TRIM48: variants seen among roughly 807,000 people sequenced by gnomAD.
TRIM48 encodes the protein E3 ubiquitin-protein ligase TRIM48.
In TRIM48, 31 loss-of-function variants were observed where a neutral mutation model predicts 29.5. That is an observed-to-expected ratio of 1.05 (90% CI 0.79 to 1.42). TRIM48 has a LOEUF of 1.42. TRIM48 is among the 40% of genes most tolerant of loss of function. The pLI is 0.00. For missense variants in TRIM48, 344 were observed against 265.0 expected, an observed-to-expected ratio of 1.30 and a Z score of -2.07; for synonymous variants, 128 against 90.6, an observed-to-expected ratio of 1.41 and a Z score of -2.34.
intron 1 of TRIM48, 53 bp downstream of exon 1, chr11:55,262,364 T>G: frequency 7.9e-7 from 1 of 1,263,136 alleles, no homozygotes; most frequent in South Asian, 1.3e-5. Context: ...TACAAAATAA[T>G]AAATTAGAGT....
chr11:55,266,508 C>T (rs1473849479), intron 3 of TRIM48, among the ~76,000 whole-genome samples: 7 of 146,846 alleles, frequency 4.8e-5, no homozygotes, highest in Non-Finnish European at 7.5e-5. Context: ...ATGAGAGAGG[C>T]AAAAATGGTC....
chr11:55,267,394 A>G, intron 3 of TRIM48: 1 of 1,573,204 alleles, frequency 6.4e-7, no homozygotes, highest in Non-Finnish European at 8.6e-7. Context: ...TGACTAACCC[A>G]TTATTACTGC....
In TRIM48 at chr11:55,270,458, A is replaced by G. The variant is rs921076410; in HGVS notation, c.*23A>G. On this transcript the variant is annotated 3_prime_UTR_variant, in exon 6 of 6. Coordinates refer to ENST00000417545, the MANE Select transcript of TRIM48 (RefSeq NM_024114.5). ...GCAGTGGATATTACTCTGCATCACA[A>G]TGAAGCCAACAGTCATATCTTCCGA... 33 of 1,532,986 alleles carry G rather than the reference A, an allele frequency of 2.2e-5. 4 individuals are homozygous for G. The highest frequency in any genetic ancestry group is 2.8e-5 in the African/African-American group (2 of 72,306). 95.0% of individuals were successfully genotyped at this position (1,532,986 alleles called of 1,614,324 possible). A position where few individuals can be genotyped will look rare whatever the true frequency, so the allele number is the denominator to read the frequency against.
intron 3 of TRIM48, 22 bp from the exon 4 acceptor site, chr11:55,268,328 T>C: frequency 1.3e-6 from 2 of 1,519,130 alleles, no homozygotes; most frequent in Non-Finnish European, 1.8e-6. Flanking sequence ...GCACTAAATC[T>C]TTCTATTTTT....
chr11:55,265,706 T>A lies in TRIM48; in HGVS notation c.555+11T>A, dbSNP rs147397565. On this transcript the variant is annotated intron_variant, in intron 3 of 5. Transcript: ENST00000417545. ...ATCAGCCACTGGAAGGTTAGTCCTG[T>A]AATACCCTACCTTCTCCAGGAACTT... The A allele has an allele frequency of 1.1e-3, 1,795 of 1,574,836 alleles. 157 individuals carry two copies. In the African/African-American group the frequency reaches 0.023, roughly 20 times the overall value.
chr11:55,268,453 A>G lies in TRIM48; in HGVS notation c.578+81A>G, dbSNP rs989045321. The G allele has an allele frequency of 2.3e-5, 31 of 1,358,178 alleles. 2 individuals are homozygous for G. Among genetic ancestry groups the G allele is most frequent in the Middle Eastern group, 1.9e-4 (1 of 5,348 alleles). The allele number at this position is 1,358,178 out of a possible 1,614,324, so 84.1% of individuals were successfully genotyped here. A position where few individuals can be genotyped will look rare whatever the true frequency, so the allele number is the denominator to read the frequency against. On this transcript the variant is annotated intron_variant, in intron 4 of 5. Coordinates refer to ENST00000417545, the MANE Select transcript of TRIM48 (RefSeq NM_024114.5). ...GCAGGCTCTACCAAAGTCATGGCATAAACGATTAAGATATTGATACTATTT... is the reference window on the plus strand; with the variant it reads ...GCAGGCTCTACCAAAGTCATGGCATGAACGATTAAGATATTGATACTATTT...
rs138999549 is a variant in TRIM48, at chr11:55,265,040, T to C, written c.185T>C (p.Ile62Thr). The change falls in exon 2 of 6, where the codon ATC becomes ACC. Residue 62 changes from isoleucine to threonine, a missense_variant. Physicochemically the swap from Ile to Thr is moderately conservative, Grantham distance 89. Transcript: ENST00000417545. ...TGTTTCTACCTCAACTGGCAAGACATCCCAATTCTTACTCAGTGCTTTGAA... is the reference window on the plus strand; with the variant it reads ...TGTTTCTACCTCAACTGGCAAGACACCCCAATTCTTACTCAGTGCTTTGAA... ...RPCFYLNWQD[I>T]PILTQCFECI... 3.3e-3 allele frequency: 5,182 copies of C among 1,584,086 alleles called. 476 individuals are homozygous for C. The highest frequency in any genetic ancestry group is 4.0e-3 in the Non-Finnish European group (4,659 of 1,166,204).
At chr11:55,265,388 T>C in intron 2 of TRIM48, 74 bp downstream of exon 2, 1 of 1,567,094 alleles carries the variant, frequency 6.4e-7, no homozygotes, top group Non-Finnish European at 8.6e-7. Flanking sequence ...TCTTGGAGAT[T>C]GGGTAAAGCC....
chr11:55,262,993 C>G (rs919297803), intron 1 of TRIM48, among the ~76,000 whole-genome samples: 1 of 151,876 alleles, frequency 6.6e-6, no homozygotes, highest in Admixed American at 6.6e-5. Context: ...AGGAGAGTAA[C>G]GAAAAGGACT....
chr11:55,268,273 T>G (rs372168108), intron 3 of TRIM48, 77 bp from the exon 4 acceptor site: 2 of 1,281,256 alleles, frequency 1.6e-6, no homozygotes, highest in East Asian at 2.7e-5. Context: ...AGGAACTGAC[T>G]CCAAATTTCA....
rs1857464101 is a variant in TRIM48 at position 55,270,435 on chromosome 11, A to T, written c.*2-2A>T. 3.5e-6 allele frequency: 5 copies of T among 1,442,590 alleles called. 1 individual carries two copies. The highest frequency in any genetic ancestry group is 1.4e-5 in the African/African-American group (1 of 69,698). The allele number at this position is 1,442,590 out of a possible 1,614,324, so 89.4% of individuals were successfully genotyped here. A position where few individuals can be genotyped will look rare whatever the true frequency, so the allele number is the denominator to read the frequency against. ...CTATTTATTTATTTATTTATTTTGC[A>T]GTGGATATTACTCTGCATCACAATG... On this transcript the variant is annotated splice_acceptor_variant, in intron 5 of 5. Coordinates refer to ENST00000417545, the MANE Select transcript of TRIM48 (RefSeq NM_024114.5). LOFTEE classifies it low-confidence loss of function (3UTR_SPLICE).
In TRIM48 at chr11:55,265,289, C is replaced by T. The variant is rs762171243; in HGVS notation, c.434C>T (p.Ala145Val). The T allele has an allele frequency of 9.5e-6, 15 of 1,582,116 alleles. No individual in the cohort carries two copies. Among genetic ancestry groups the T allele is most frequent in the Non-Finnish European group, 1.3e-5 (15 of 1,166,030 alleles). The change falls in exon 2 of 6, where the codon GCT becomes GTT. Residue 145 changes from alanine to valine, a missense_variant. By Grantham distance (64) the Ala-to-Val change is moderately conservative (BLOSUM62 0). Transcript: ENST00000417545. The stretch of plus-strand genomic sequence containing the variant: ...CACCGGTATCACAGACACTGTCCCG[C>T]TGAGTGGGCTGCTGAGGAACACTGG... ...QEHRYHRHCP[A>V]EWAAEEHWEK...
chr11:55,265,867 C>T (rs1168873795), intron 3 of TRIM48, among the ~76,000 whole-genome samples, 172 bp downstream of exon 3: 2 of 145,226 alleles, frequency 1.4e-5, no homozygotes, highest in South Asian at 2.5e-4. Context: ...AATAGTGTGA[C>T]TATTAGATGG....
In TRIM48 at chr11:55,266,716, CA is replaced by C. The variant is rs1857399428; in HGVS notation, c.555+1025del. 4.1e-5 allele frequency among the ~76,000 whole-genome samples: 6 copies of C among 147,196 alleles called. 1 individual carries two copies. The highest frequency in any genetic ancestry group is 1.5e-4 in the African/African-American group (6 of 40,258). ...AAAGTTTCAAAGAGGAAGGGGAGCA[CA>C]AAAGTGTGTATGGATATATATGTGG... is the stretch of plus-strand genomic sequence containing the variant. On this transcript the variant is annotated intron_variant, in intron 3 of 5. Coordinates refer to ENST00000417545, the MANE Select transcript of TRIM48 (RefSeq NM_024114.5).
At chr11:55,267,551 A>T (rs1300882966) in intron 3 of TRIM48, 2 of 1,570,996 alleles carry the variant, frequency 1.3e-6, no homozygotes, top group African/African-American at 2.7e-5. Context: ...AAGTAAAGCC[A>T]AAATGGCTCA....
intron 1 of TRIM48, among the ~76,000 whole-genome samples, chr11:55,262,579 T>G (rs1408033147): frequency 2.0e-5 from 3 of 152,168 alleles, no homozygotes; most frequent in Non-Finnish European, 2.9e-5. Flanking sequence ...GAGTTGATAT[T>G]TATACATGTA....
At chr11:55,266,000 TG>T (rs1003506443) in intron 3 of TRIM48, among the ~76,000 whole-genome samples, 3 of 147,364 alleles carry the variant, frequency 2.0e-5, no homozygotes, top group Non-Finnish European at 4.5e-5. Context: ...ATGTGCTGGT[TG>T]GATAAATGCT....
At position 55,268,370 on chromosome 11, in the gene TRIM48, C is replaced by T. The variant is rs373920300; in HGVS notation, c.576C>T (p.Tyr192=). Residue 192 remains tyrosine (Y), a splice_region_variant and synonymous_variant, in exon 4 of 6, where the codon TAC becomes TAT. Coordinates refer to ENST00000417545, the MANE Select transcript of TRIM48 (RefSeq NM_024114.5). ...SHWKAFGDIL[Y]RSESVLLHMP... ...TACAGGCTTTTGGAGACATATTATA[C>T]AGGTGAGTATGTACCTGGATTTTAG... 15 of 1,550,834 alleles carry T rather than the reference C, an allele frequency of 9.7e-6. 1 individual carries two copies. The highest frequency in any genetic ancestry group is 2.8e-5 in the African/African-American group (2 of 72,132).
intron 3 of TRIM48, among the ~76,000 whole-genome samples, chr11:55,267,843 C>T (rs1330955840): frequency 3.4e-5 from 5 of 147,964 alleles, no homozygotes; most frequent in African/African-American, 7.4e-5. Context: ...TATCCACCAG[C>T]CACAAAACTT....
Sources: allele counts gnomAD v4.1 joint callset (sites outside exome capture counted in the v4.1 genomes callset), GRCh38; gene constraint gnomAD v4.1.1; transcripts MANE v1.5; gene names NCBI Gene and HGNC (gene_info 2026-07-23, HGNC 2026-07-21).